The following MAF variants were observed in gnomAD, a reference collection of about 807,000 sequenced individuals.
The protein encoded by MAF is transcription factor Maf.
A neutral mutation model predicts 22.0 loss-of-function variants in MAF; 10 were observed. That is an observed-to-expected ratio of 0.45 (90% CI 0.28 to 0.77). The LOEUF is 0.77. MAF is among the 30% of genes least tolerant of loss of function. MAF has a pLI of 0.12. For synonymous variants in MAF, 337 were observed against 255.8 expected (o/e 1.32, Z -3.03); for missense variants, 544 against 548.4 (o/e 0.99, Z 0.08).
chr16:79,514,301 C>G, the MAF span, among the ~76,000 whole-genome samples: 1 of 152,184 alleles, frequency 6.6e-6, no homozygotes, highest in Non-Finnish European at 1.5e-5. Context: ...TAGCAGAATT[C>G]TTTTAAAAAT....
the MAF span, among the ~76,000 whole-genome samples, chr16:79,325,293 C>G: frequency 2.0e-5 from 3 of 152,172 alleles, no homozygotes; most frequent in African/African-American, 7.2e-5. Context: ...CAACTCTGAG[C>G]GACAACCGTG....
At chr16:79,393,006 C>T in the MAF span, among the ~76,000 whole-genome samples, 1 of 152,222 alleles carries the variant, frequency 6.6e-6, no homozygotes, top group Non-Finnish European at 1.5e-5. Context: ...AATTAAAAGA[C>T]TCTCTTCCAG....
At chr16:79,532,928 T>C in the MAF span, among the ~76,000 whole-genome samples, 1 of 152,324 alleles carries the variant, frequency 6.6e-6, no homozygotes, top group South Asian at 2.1e-4. Context: ...TCCAATATCA[T>C]TGCTGCAAGC....
chr16:79,586,375 G>A (rs1432247823), intron 1 of MAF, among the ~76,000 whole-genome samples: 4 of 151,962 alleles, frequency 2.6e-5, no homozygotes, highest in African/African-American at 7.3e-5. Context: ...CCCAGCTTCT[G>A]CCGGTGTGTG....
the MAF span, among the ~76,000 whole-genome samples, chr16:79,422,452 G>A: frequency 6.6e-6 from 1 of 152,164 alleles, no homozygotes; most frequent in African/African-American, 2.4e-5. Context: ...TAAAATGACA[G>A]ACCTGATTCC....
At chr16:79,294,716 A>G in the MAF span, among the ~76,000 whole-genome samples, 2 of 152,196 alleles carry the variant, frequency 1.3e-5, no homozygotes, top group African/African-American at 2.4e-5. Context: ...ATAGTGGGAG[A>G]AGGAGGAGTC....
At chr16:79,297,804 C>A in the MAF span, among the ~76,000 whole-genome samples, 1 of 152,176 alleles carries the variant, frequency 6.6e-6, no homozygotes, top group Admixed American at 6.5e-5. Context: ...GTGGGGAGAA[C>A]ATGGGTTCCC....
At chr16:79,209,364 G>C in the MAF span, among the ~76,000 whole-genome samples, 6 of 152,208 alleles carry the variant, frequency 3.9e-5, no homozygotes, top group African/African-American at 1.4e-4. Context: ...GTAGGTCATA[G>C]TGGCAAAATA....
the MAF span, among the ~76,000 whole-genome samples, chr16:79,515,511 G>T: frequency 1.3e-5 from 2 of 152,340 alleles, no homozygotes; most frequent in Admixed American, 6.5e-5. Context: ...GCTAACGTAA[G>T]TGTTCTGAGC....
chr16:79,420,005 T>G, the MAF span, among the ~76,000 whole-genome samples: 1 of 55,292 alleles, frequency 1.8e-5, no homozygotes, highest in African/African-American at 4.3e-5. Flanking sequence ...TAACACACGG[T>G]TTTTTTTTTT....
the MAF span, among the ~76,000 whole-genome samples, chr16:79,323,682 T>G: frequency 6.6e-6 from 1 of 152,130 alleles, no homozygotes; most frequent in African/African-American, 2.4e-5. Flanking sequence ...TGAAGAGACC[T>G]CTCCACAGTC....
chr16:79,528,014 G>C, the MAF span, among the ~76,000 whole-genome samples: 1 of 152,100 alleles, frequency 6.6e-6, no homozygotes, highest in Non-Finnish European at 1.5e-5. Flanking sequence ...GTGTTGGTGC[G>C]CACCTGTAAT....
At chr16:79,246,956 G>A in the MAF span, among the ~76,000 whole-genome samples, 25 of 152,302 alleles carry the variant, frequency 1.6e-4, no homozygotes, top group East Asian at 4.6e-3. Context: ...TCTGTAGACA[G>A]GAGACAGAGT....
the MAF span, among the ~76,000 whole-genome samples, chr16:79,425,666 T>TA: frequency 6.6e-6 from 1 of 151,502 alleles, no homozygotes; most frequent in African/African-American, 2.4e-5. Context: ...AATTTAGATT[T>TA]TTTTTTTTTT....
chr16:79,291,779 T>A, the MAF span, among the ~76,000 whole-genome samples: 1 of 147,044 alleles, frequency 6.8e-6, no homozygotes, highest in African/African-American at 2.5e-5. Context: ...GAGTACATAC[T>A]AGATGGTAGG....
chr16:79,509,487 C>T, the MAF span, among the ~76,000 whole-genome samples: 10 of 152,332 alleles, frequency 6.6e-5, no homozygotes, highest in African/African-American at 2.4e-4. Flanking sequence ...GGCAGCGGGG[C>T]CCTTGCTGGA....
the MAF span, among the ~76,000 whole-genome samples, chr16:79,432,546 T>C: frequency 6.6e-6 from 1 of 152,172 alleles, no homozygotes; most frequent in Non-Finnish European, 1.5e-5. Context: ...AATACTGTAA[T>C]ATTTTTGTAC....
At chr16:79,563,525 G>C in the MAF span, among the ~76,000 whole-genome samples, 1 of 148,828 alleles carries the variant, frequency 6.7e-6, no homozygotes, top group Admixed American at 6.7e-5. Flanking sequence ...AAAAAGATTT[G>C]TGAAATATCT....
At chr16:79,598,150 GA>G (rs965326165) in intron 1 of MAF, 37 of 1,032,942 alleles carry the variant, frequency 3.6e-5, no homozygotes, top group African/African-American at 1.7e-4. Flanking sequence ...CTCAGGAGAA[GA>G]AAAAAAAACT....
Sources: gnomAD v4.1 joint callset for allele counts (sites outside exome capture counted in the v4.1 genomes callset) on GRCh38, gnomAD v4.1.1 for gene constraint, MANE v1.5 for transcripts, NCBI Gene and HGNC (gene_info 2026-07-23, HGNC 2026-07-21) for gene names.